Variants in KIAA0586 observed in about 807,000 individuals in gnomAD.
KIAA0586 encodes the protein protein TALPID3.
Under a neutral mutation model 169.8 loss-of-function variants are expected in KIAA0586, and 144 were observed. The ratio of observed to expected loss-of-function variants is 0.85; its 90% confidence interval spans 0.74 to 0.97. KIAA0586 has a LOEUF of 0.97. Ranked by LOEUF, KIAA0586 falls within the 50% of genes least tolerant of loss-of-function variation. KIAA0586 has a pLI of 0.00. For synonymous variants in KIAA0586, 625 were observed against 612.4 expected, an observed-to-expected ratio of 1.02 and a Z score of -0.30; for missense variants, 1,854 against 1,823.0, an observed-to-expected ratio of 1.02 and a Z score of -0.31.
At chr14:58,440,280 TTTC>T (rs2038207388) in intron 4 of KIAA0586, 34 of 404,966 alleles carry the variant, frequency 8.4e-5, no homozygotes, top group South Asian at 5.7e-4. Context: ...GCTTTTCTCT[TTTC>T]TTCTTTCTCT....
chr14:58,560,290 G>C, the KIAA0586 span, among the ~76,000 whole-genome samples: 3 of 152,198 alleles, frequency 2.0e-5, no homozygotes, highest in Admixed American at 6.5e-5. Flanking sequence ...CATGTTTCTT[G>C]AGTGAACAAA....
intron 26 of KIAA0586, among the ~76,000 whole-genome samples, chr14:58,493,678 ATAAT>A (rs2042967876): frequency 6.6e-6 from 1 of 152,254 alleles, no homozygotes. Context: ...TGAATTTAAA[ATAAT>A]TAAATTTTCT....
At chr14:58,559,924 G>A in the KIAA0586 span, among the ~76,000 whole-genome samples, 1 of 152,094 alleles carries the variant, frequency 6.6e-6, no homozygotes, top group Non-Finnish European at 1.5e-5. Context: ...AGGCTGGGGC[G>A]GGCAGATCAT....
At chr14:58,427,587 A>G (rs916219725), upstream of KIAA0586, 2 of 1,535,508 alleles carry the variant, frequency 1.3e-6, no homozygotes, top group Admixed American at 2.0e-5. Flanking sequence ...CCACCCGGAG[A>G]GGAATGGAAG....
In KIAA0586 at chr14:58,548,136, G is replaced by C. The variant is rs918421103; in HGVS notation, c.*204G>C. The C allele has an allele frequency of 1.6e-5, 9 of 553,276 alleles. No homozygotes were observed. Among genetic ancestry groups the C allele is most frequent in the African/African-American group, 1.5e-4 (8 of 52,262 alleles). The allele number at this position is 553,276 out of a possible 1,614,324, so 34.3% of individuals were successfully genotyped here. Reference sequence around the variant, plus strand: ...TATAAGTCATTATAAGTCTGATTGTGAGTTGTTTCTTAGAATCCTGAGATA... The same window carrying C: ...TATAAGTCATTATAAGTCTGATTGTCAGTTGTTTCTTAGAATCCTGAGATA... On this transcript the variant is annotated 3_prime_UTR_variant, in exon 31 of 31. Transcript: ENST00000652326.
intron 4 of KIAA0586, chr14:58,439,776 G>T (rs2038144274): frequency 1.1e-6 from 1 of 930,410 alleles, no homozygotes; most frequent in African/African-American, 1.8e-5. Flanking sequence ...AAATATCAAA[G>T]AGGAGTAAGT....
rs529324594 is a variant in KIAA0586 at position 58,546,259 on chromosome 14, T to C, written c.4496-1522T>C. ...TCTCTCTTTTTATAAAAAAATGAAA[T>C]AGTAACAAAAAGGAGTGATACAGTA... On this transcript the variant is annotated intron_variant, in intron 30 of 30. Transcript: ENST00000652326. Among the ~76,000 whole-genome samples the C allele has an allele frequency of 6.6e-5, 10 of 152,260 alleles. No homozygotes were observed. In the South Asian group the frequency reaches 2.1e-3, roughly 32 times the overall value.
intron 19 of KIAA0586, among the ~76,000 whole-genome samples, chr14:58,476,907 A>C (rs1445666886): frequency 6.6e-6 from 1 of 151,962 alleles, no homozygotes; most frequent in Non-Finnish European, 1.5e-5. Context: ...AATCTGCCCA[A>C]CGTGGCCTCC....
At chr14:58,540,894 G>T (rs946433635) in intron 30 of KIAA0586, among the ~76,000 whole-genome samples, 5 of 152,186 alleles carry the variant, frequency 3.3e-5, no homozygotes, top group Non-Finnish European at 5.9e-5. Context: ...AAACACTGGG[G>T]CTATGATGTT....
At chr14:58,502,150 T>A (rs1385795331) in intron 27 of KIAA0586, among the ~76,000 whole-genome samples, 1 of 152,176 alleles carries the variant, frequency 6.6e-6, no homozygotes, top group Non-Finnish European at 1.5e-5. Context: ...TTTTCTTTTC[T>A]TTTGAGACAG....
In KIAA0586 at chr14:58,429,419, A is replaced by G; in HGVS notation, c.256A>G (p.Met86Val). 6.3e-7 allele frequency: 1 copy of G among 1,588,970 alleles called. No homozygotes were observed. The highest frequency in any genetic ancestry group is 1.1e-5 in the South Asian group (1 of 90,506). The change falls in exon 2 of 31, where the codon ATG becomes GTG. Residue 86 changes from methionine (M) to valine (V), a missense_variant. By Grantham distance (21) the Met-to-Val change is conservative. Coordinates refer to ENST00000652326, the MANE Select transcript of KIAA0586 (RefSeq NM_001329943.3). Reference sequence around the variant, plus strand: ...TTACCAGCCTCTATTAGAAAATCCCATGGTGTCAGAAAGTGTAAGCAAAAG... The same window carrying G: ...TTACCAGCCTCTATTAGAAAATCCCGTGGTGTCAGAAAGTGTAAGCAAAAG... ...NCYQPLLENP[M>V]VSESDFSKDV...
chr14:58,466,342 G>A (rs2040772996), intron 15 of KIAA0586, among the ~76,000 whole-genome samples: 1 of 152,178 alleles, frequency 6.6e-6, no homozygotes. Context: ...ATTTTATGCT[G>A]TGTAATAGCA....
intron 30 of KIAA0586, 55 bp from the exon 31 acceptor site, chr14:58,547,726 C>A: frequency 1.3e-6 from 2 of 1,487,654 alleles, no homozygotes; most frequent in Non-Finnish European, 9.3e-7. Flanking sequence ...AAGCATAAAG[C>A]ACGTAAATAC....
chr14:58,537,212 G>C, intron 29 of KIAA0586: 1 of 1,020,710 alleles, frequency 9.8e-7, no homozygotes, highest in Non-Finnish European at 1.2e-6. Flanking sequence ...GGTCAACTCT[G>C]ATACTGTGAT....
intron 30 of KIAA0586, among the ~76,000 whole-genome samples, chr14:58,542,992 G>A (rs1165388886): frequency 6.6e-6 from 1 of 151,974 alleles, no homozygotes; most frequent in African/African-American, 2.4e-5. Context: ...GCCGGGCGTG[G>A]TGGCGGGCGC....
rs972376481 is a variant in KIAA0586, at chr14:58,495,122, G to T, written c.3990+2847G>T. On this transcript the variant is annotated intron_variant, in intron 26 of 30. Transcript: ENST00000652326. ...CTTTTTCACCTCTGTAGTTACTCCA[G>T]TGTTGATTTTGAGAGCTGGCAGCCT... Among the ~76,000 whole-genome samples, 3 of 152,196 alleles carry T rather than the reference G, an allele frequency of 2.0e-5. 1 individual carries two copies. In the South Asian group the frequency reaches 6.2e-4, roughly 32 times the overall value.
downstream of KIAA0586, among the ~76,000 whole-genome samples, chr14:58,553,940 T>C (rs545953460): frequency 1.9e-4 from 29 of 152,304 alleles, no homozygotes; most frequent in Middle Eastern, 3.4e-3. Context: ...TTTGCTTTGC[T>C]CCACATGATG....
intron 29 of KIAA0586, among the ~76,000 whole-genome samples, chr14:58,526,702 G>T (rs2045607103): frequency 6.6e-6 from 1 of 152,158 alleles, no homozygotes; most frequent in South Asian, 2.1e-4. Context: ...GATGGAGAAT[G>T]AATTTGATGA....
At chr14:58,427,595 AAGAGCACCAG>A, upstream of KIAA0586, 1 of 1,535,652 alleles carries the variant, frequency 6.5e-7, no homozygotes, top group Non-Finnish European at 8.7e-7. Context: ...AGAGGAATGG[AAGAGCACCAG>A]AGAGCGCTTA....
Sources: allele counts gnomAD v4.1 joint callset (sites outside exome capture counted in the v4.1 genomes callset), GRCh38; gene constraint gnomAD v4.1.1; transcripts MANE v1.5; gene names NCBI Gene and HGNC (gene_info 2026-07-23, HGNC 2026-07-21).